Variants in RAB3C observed in about 807,000 individuals in gnomAD.
RAB3C encodes the protein RAB3C, member RAS oncogene family.
Under a neutral mutation model 26.4 loss-of-function variants are expected in RAB3C, and 17 were observed. The ratio of observed to expected loss-of-function variants is 0.64; its 90% confidence interval spans 0.44 to 0.97. The LOEUF is 0.97. RAB3C is among the 50% of genes least tolerant of loss of function. The pLI, the probability that RAB3C is intolerant of heterozygous loss-of-function variation, is 0.00. For missense variants in RAB3C, 242 were observed against 281.9 expected, an observed-to-expected ratio of 0.86 and a Z score of 1.01; for synonymous variants, 91 against 95.9, an observed-to-expected ratio of 0.95 and a Z score of 0.30.
intron 2 of RAB3C, among the ~76,000 whole-genome samples, chr5:58,652,247 T>C (rs1301716860): frequency 6.6e-6 from 1 of 151,726 alleles, no homozygotes; most frequent in Non-Finnish European, 1.5e-5. Context: ...CCATAAAGTA[T>C]AGCATCTACA....
At chr5:58,844,316 A>G (rs1743941208) in intron 4 of RAB3C, among the ~76,000 whole-genome samples, 1 of 152,202 alleles carries the variant, frequency 6.6e-6, no homozygotes, top group African/African-American at 2.4e-5. Flanking sequence ...GGAAAATGCT[A>G]CCATCTGGTC....
At chr5:58,643,720 A>C (rs1320135494) in intron 2 of RAB3C, among the ~76,000 whole-genome samples, 2 of 152,246 alleles carry the variant, frequency 1.3e-5, no homozygotes, top group East Asian at 3.8e-4. Context: ...AATGTTACCA[A>C]GTCAGAAAGC....
chr5:58,814,702 A>C (rs991514190), intron 3 of RAB3C: 11 of 152,230 alleles, frequency 7.2e-5, no homozygotes, highest in Non-Finnish European at 2.9e-5. Flanking sequence ...TTTGTTGTCC[A>C]GAAGGGTGGT....
At chr5:58,790,285 G>A (rs576903216) in intron 3 of RAB3C, among the ~76,000 whole-genome samples, 1 of 151,988 alleles carries the variant, frequency 6.6e-6, no homozygotes, top group Non-Finnish European at 1.5e-5. Context: ...ATTAAAATAG[G>A]CATGCCTGAC....
At chr5:58,786,026 G>T (rs1742371582) in intron 3 of RAB3C, among the ~76,000 whole-genome samples, 1 of 152,198 alleles carries the variant, frequency 6.6e-6, no homozygotes, top group African/African-American at 2.4e-5. Flanking sequence ...ACTTGGCCCT[G>T]CTAAGGACAC....
In RAB3C at chr5:58,610,114, A is replaced by AACTT. The variant is rs1746663681; in HGVS notation, c.25-7528_25-7525dup. Among the ~76,000 whole-genome samples, 6 of 151,912 alleles carry AACTT rather than the reference A, an allele frequency of 3.9e-5. No individual in the cohort carries two copies. In the South Asian group the frequency reaches 1.2e-3, roughly 32 times the overall value. The stretch of plus-strand genomic sequence containing the variant: ...CAGATGACAGACTTTTGGAAATGCT[A>AACTT]ACTTGAAATGTTTTCTTTCTTGGCT... On this transcript the variant is annotated intron_variant, in intron 1 of 4. Coordinates refer to ENST00000282878, the MANE Select transcript of RAB3C (RefSeq NM_138453.4).
chr5:58,675,624 T>TTTTTTTTTTTTTTGGC (rs1561285903), intron 2 of RAB3C, among the ~76,000 whole-genome samples: 2 of 150,738 alleles, frequency 1.3e-5, no homozygotes, highest in African/African-American at 4.9e-5. Flanking sequence ...TCTTTTTTTT[T>TTTTTTTTTTTTTTGGC]TTTTTTTTTT....
At chr5:58,624,464 C>T (rs1349891306) in intron 2 of RAB3C, among the ~76,000 whole-genome samples, 1 of 152,216 alleles carries the variant, frequency 6.6e-6, no homozygotes, top group East Asian at 1.9e-4. Context: ...GAAGCTTTTA[C>T]AGTTTGCCAG....
intron 2 of RAB3C, among the ~76,000 whole-genome samples, chr5:58,658,220 C>G (rs911633310): frequency 1.3e-5 from 2 of 152,200 alleles, no homozygotes; most frequent in Non-Finnish European, 2.9e-5. Flanking sequence ...GTAGGACAGA[C>G]TAAAACCTAA....
At chr5:58,611,630 A>C (rs2111708713) in intron 1 of RAB3C, among the ~76,000 whole-genome samples, 1 of 152,218 alleles carries the variant, frequency 6.6e-6, no homozygotes, top group African/African-American at 2.4e-5. Flanking sequence ...GCAGTATATT[A>C]GACATTTGTT....
intron 2 of RAB3C, among the ~76,000 whole-genome samples, chr5:58,640,842 A>G (rs1747399755): frequency 6.6e-6 from 1 of 152,166 alleles, no homozygotes; most frequent in South Asian, 2.1e-4. Flanking sequence ...CTAGTGCAAT[A>G]TTGTAATTAT....
At chr5:58,646,741 G>T (rs1461292324) in intron 2 of RAB3C, among the ~76,000 whole-genome samples, 1 of 152,138 alleles carries the variant, frequency 6.6e-6, no homozygotes, top group African/African-American at 2.4e-5. Context: ...CACCACTTGT[G>T]GGGGCAGGGA....
intron 4 of RAB3C, among the ~76,000 whole-genome samples, chr5:58,840,476 T>A (rs1002507245): frequency 6.6e-6 from 1 of 152,230 alleles, no homozygotes; most frequent in East Asian, 1.9e-4. Context: ...CATTTTCTTA[T>A]CATTGAGGTC....
chr5:58,693,200 A>G (rs970109682), intron 2 of RAB3C, among the ~76,000 whole-genome samples: 1 of 146,706 alleles, frequency 6.8e-6, no homozygotes, highest in African/African-American at 2.5e-5. Flanking sequence ...TTATAATTAT[A>G]TAAATTTAAT....
chr5:58,709,348 A>G (rs1378658022), intron 2 of RAB3C, among the ~76,000 whole-genome samples: 1 of 152,080 alleles, frequency 6.6e-6, no homozygotes, highest in Non-Finnish European at 1.5e-5. Context: ...CCCTCTGTAC[A>G]CCACCCAGGC....
At chr5:58,760,209 G>T (rs1741769493) in intron 3 of RAB3C, among the ~76,000 whole-genome samples, 1 of 152,046 alleles carries the variant, frequency 6.6e-6, no homozygotes, top group Non-Finnish European at 1.5e-5. Flanking sequence ...TTGTCCATCA[G>T]ATTTGGGTGT....
Position 58,775,529 on chromosome 5 carries a change from A to G in RAB3C, c.371+49409A>G, listed in dbSNP as rs79704200. Reference sequence around the variant, plus strand: ...AGGTAATGGGCGTGAGTGAAGGTGGATGGAAATGGGATGACCCCTCTAAGG... The same window carrying G: ...AGGTAATGGGCGTGAGTGAAGGTGGGTGGAAATGGGATGACCCCTCTAAGG... On this transcript the variant is annotated intron_variant, in intron 3 of 4. Coordinates refer to ENST00000282878, the MANE Select transcript of RAB3C (RefSeq NM_138453.4). 1.2e-3 allele frequency among the ~76,000 whole-genome samples: 181 copies of G among 152,176 alleles called. 5 individuals carry two copies. The East Asian group carries it at 0.026, about 22-fold the overall frequency.
chr5:58,692,703 T>C (rs1748596356), intron 2 of RAB3C, among the ~76,000 whole-genome samples: 1 of 152,104 alleles, frequency 6.6e-6, no homozygotes, highest in Admixed American at 6.6e-5. Context: ...TTTTCTGGCA[T>C]TGCTTTTCCA....
intron 1 of RAB3C, among the ~76,000 whole-genome samples, chr5:58,595,685 A>G (rs754992951): frequency 6.6e-6 from 1 of 152,166 alleles, no homozygotes; most frequent in Admixed American, 6.6e-5. Flanking sequence ...GGAGTTCCGC[A>G]TGTCTGAGAA....
Sources: gnomAD v4.1 joint callset for allele counts (sites outside exome capture counted in the v4.1 genomes callset) on GRCh38, gnomAD v4.1.1 for gene constraint, MANE v1.5 for transcripts, NCBI Gene and HGNC (gene_info 2026-07-23, HGNC 2026-07-21) for gene names.